Variants in IQSEC1 observed in about 807,000 individuals in gnomAD.
The protein encoded by IQSEC1 is IQ motif and Sec7 domain ArfGEF 1, also known as IQ motif and SEC7 domain-containing protein 1.
Under a neutral mutation model 91.0 loss-of-function variants are expected in IQSEC1, and 31 were observed. The ratio of observed to expected loss-of-function variants is 0.34; its 90% confidence interval spans 0.26 to 0.46. The LOEUF (loss-of-function observed/expected upper bound fraction) is 0.46, where lower values mean the gene tolerates loss of function less well. IQSEC1 is among the 20% of genes least tolerant of loss of function. IQSEC1 has a pLI of 1.00. For missense variants in IQSEC1, 1,388 were observed against 1,575.6 expected, an observed-to-expected ratio of 0.88 and a Z score of 2.02; for synonymous variants, 699 against 662.6, an observed-to-expected ratio of 1.05 and a Z score of -0.84.
intron 1 of IQSEC1, among the ~76,000 whole-genome samples, chr3:13,034,954 G>T (rs1346664443): frequency 1.3e-5 from 2 of 152,256 alleles, no homozygotes; most frequent in African/African-American, 4.8e-5. Context: ...AGTGCTGGTG[G>T]GGTGGGAATT....
intron 1 of IQSEC1, among the ~76,000 whole-genome samples, chr3:12,959,750 T>G (rs1700127522): frequency 6.6e-6 from 1 of 152,224 alleles, no homozygotes; most frequent in Non-Finnish European, 1.5e-5. Context: ...GGATTAAAAC[T>G]AATCTCGAGC....
At chr3:13,160,698 C>A (rs1707158671) in intron 2 of IQSEC1, among the ~76,000 whole-genome samples, 1 of 152,174 alleles carries the variant, frequency 6.6e-6, no homozygotes, top group Non-Finnish European at 1.5e-5. Context: ...TTTATGAGTC[C>A]TGAGTCCAAT....
chr3:13,252,086 G>A (rs906849817), intron 1 of IQSEC1, among the ~76,000 whole-genome samples: 1 of 152,160 alleles, frequency 6.6e-6, no homozygotes, highest in African/African-American at 2.4e-5. Flanking sequence ...CAAGTGTACA[G>A]TTCAGTGGAC....
chr3:13,140,639 C>G (rs1191591951), intron 2 of IQSEC1, among the ~76,000 whole-genome samples: 5 of 152,186 alleles, frequency 3.3e-5, no homozygotes, highest in Non-Finnish European at 7.3e-5. Context: ...GGTGCCCAGA[C>G]AGAGATGGGG....
intron 1 of IQSEC1, among the ~76,000 whole-genome samples, chr3:13,201,102 C>A (rs1039432403): frequency 6.6e-6 from 1 of 152,182 alleles, no homozygotes; most frequent in Non-Finnish European, 1.5e-5. Flanking sequence ...ACAACAAATG[C>A]GTGAGGTGAG....
chr3:13,165,387 CCTCCA>C (rs1386516578), intron 1 of IQSEC1, among the ~76,000 whole-genome samples: 1 of 152,028 alleles, frequency 6.6e-6, no homozygotes, highest in Non-Finnish European at 1.5e-5. Flanking sequence ...GGCTGAAGAC[CCTCCA>C]CAGAATTCCC....
intron 1 of IQSEC1, among the ~76,000 whole-genome samples, chr3:13,257,379 C>A (rs1010875351): frequency 6.6e-6 from 1 of 152,316 alleles, no homozygotes; most frequent in South Asian, 2.1e-4. Flanking sequence ...AGTTTCTCAG[C>A]CCACACTGAA....
chr3:13,063,519 C>A (rs73142871), intron 1 of IQSEC1, among the ~76,000 whole-genome samples: 2,375 of 152,298 alleles, frequency 0.016, 61 homozygotes, highest in African/African-American at 0.054. Flanking sequence ...GTCAGCAGGG[C>A]TGTTCTGCAA....
At chr3:13,171,247 C>G (rs13062851) in intron 1 of IQSEC1, among the ~76,000 whole-genome samples, 5 of 152,196 alleles carry the variant, frequency 3.3e-5, no homozygotes, top group African/African-American at 9.7e-5. Flanking sequence ...GAGGCTTAGA[C>G]AGATGAGGTG....
intron 2 of IQSEC1, among the ~76,000 whole-genome samples, chr3:13,096,271 C>T (rs1315386506): frequency 1.3e-5 from 2 of 152,246 alleles, no homozygotes; most frequent in Non-Finnish European, 2.9e-5. Context: ...TACGCCCTAG[C>T]TCTTGGGGAG....
At chr3:12,933,808 C>A (rs182469155) in intron 3 of IQSEC1, among the ~76,000 whole-genome samples, 1 of 152,364 alleles carries the variant, frequency 6.6e-6, no homozygotes, top group African/African-American at 2.4e-5. Flanking sequence ...AGGATGTTAT[C>A]CTGAGCTGCA....
intron 2 of IQSEC1, among the ~76,000 whole-genome samples, chr3:13,120,211 T>C (rs562332181): frequency 1.3e-5 from 2 of 152,294 alleles, no homozygotes; most frequent in South Asian, 2.1e-4. Flanking sequence ...GGACAAAGAC[T>C]CTGTCCCTCT....
At chr3:13,245,930 G>A (rs6442364) in intron 1 of IQSEC1, among the ~76,000 whole-genome samples, 13,214 of 152,050 alleles carry the variant, frequency 0.087, 782 homozygotes, top group African/African-American at 0.16. Context: ...AACCCAAACC[G>A]AGACACCTCT....
Position 12,935,694 on chromosome 3 carries a change from G to A in IQSEC1, c.1322C>T (p.Ala441Val), listed in dbSNP as rs755104723. The change falls in exon 3 of 14, where the codon GCC (alanine) becomes GTC (valine). Residue 441 changes from alanine to valine, a missense_variant. Physicochemically the swap from Ala to Val is moderately conservative, Grantham distance 64. This residue lies in a region of IQSEC1 where 1,059 missense variants were observed against 1,317.8 expected (regional missense o/e 0.80). Coordinates refer to ENST00000613206, the MANE Select transcript of IQSEC1 (RefSeq NM_001134382.3). This position sits in a 1 kb window ranked among gnomAD's most constrained non-coding sequence, Gnocchi z 8.0. ...LDSHLAINGS[A>V]NRQSKSESDY... The stretch of plus-strand genomic sequence containing the variant: ...CGACTCAGACTTGCTCTGCCGGTTG[G>A]CTGAGCCATTGATGGCCAAGTGGCT... 4 of 1,613,556 alleles carry A rather than the reference G, an allele frequency of 2.5e-6. No individual in the cohort carries two copies. The highest frequency in any genetic ancestry group is 3.4e-6 in the Non-Finnish European group (4 of 1,180,032).
chr3:12,954,410 A>G (rs1288675794), intron 1 of IQSEC1, among the ~76,000 whole-genome samples: 1 of 152,096 alleles, frequency 6.6e-6, no homozygotes, highest in Non-Finnish European at 1.5e-5. Context: ...GATCAATGGC[A>G]GTGTGGAGCC....
chr3:13,091,509 C>T (rs1172508318), intron 2 of IQSEC1, among the ~76,000 whole-genome samples: 1 of 152,160 alleles, frequency 6.6e-6, no homozygotes, highest in Non-Finnish European at 1.5e-5. Context: ...TTTCTCCCAT[C>T]TCTTCCCCTG....
Position 12,925,346 on chromosome 3 carries a change from T to C in IQSEC1, c.1569-604A>G, listed in dbSNP as rs1697026001. ...CGCTGTTGAGGCGCCCTGTGCACACTAATTCACTCAATTCCCACTCCAGGA... is the reference window on the plus strand; with the variant it reads ...CGCTGTTGAGGCGCCCTGTGCACACCAATTCACTCAATTCCCACTCCAGGA... On this transcript the variant is annotated intron_variant, in intron 3 of 13. Coordinates refer to ENST00000613206, the MANE Select transcript of IQSEC1 (RefSeq NM_001134382.3). Among the ~76,000 whole-genome samples the C allele has an allele frequency of 3.9e-5, 6 of 152,172 alleles. No individual in the cohort carries two copies. The South Asian group carries it at 1.2e-3, about 31-fold the overall frequency.
At chr3:13,029,714 G>A (rs1004677330) in intron 1 of IQSEC1, among the ~76,000 whole-genome samples, 5 of 152,228 alleles carry the variant, frequency 3.3e-5, no homozygotes, top group Non-Finnish European at 7.3e-5. Context: ...GGTGTGAGAT[G>A]TGTGTGTGCG....
At chr3:13,150,246 A>G (rs2124957739) in intron 2 of IQSEC1, among the ~76,000 whole-genome samples, 1 of 152,354 alleles carries the variant, frequency 6.6e-6, no homozygotes, top group South Asian at 2.1e-4. Flanking sequence ...ATAGGCTGGA[A>G]GGCATCTAAG....
Sources: allele counts gnomAD v4.1 joint callset (sites outside exome capture counted in the v4.1 genomes callset), GRCh38; gene constraint gnomAD v4.1.1; regional missense constraint gnomAD v4.1.1; non-coding constraint Gnocchi (gnomAD v3.1); transcripts MANE v1.5; gene names NCBI Gene and HGNC (gene_info 2026-07-23, HGNC 2026-07-21).